The following SCAP variants were observed in gnomAD, a reference collection of about 807,000 sequenced individuals.
SCAP encodes sterol regulatory element-binding protein cleavage-activating protein.
In SCAP, 65 loss-of-function variants were observed where a neutral mutation model predicts 123.6. The observed-to-expected ratio is 0.53, with a 90% confidence interval of 0.43 to 0.65. SCAP has a LOEUF of 0.65. Ranked by LOEUF, SCAP falls within the 30% of genes least tolerant of loss-of-function variation. The pLI, the probability that SCAP is intolerant of heterozygous loss-of-function variation, is 0.00. For synonymous variants in SCAP, 740 were observed against 726.3 expected (o/e 1.02, Z -0.30); for missense variants, 1,398 against 1,712.5 (o/e 0.82, Z 3.24).
rs115218053 is a variant in SCAP, at chr3:47,461,192, A to G, written c.-99+14607T>C. ...GGTGGTACTCTGGGCTCACAAACCT[A>G]AGTGCTATGGGTTCTTGTCAAGTCA... On this transcript the variant is annotated intron_variant, in intron 1 of 22. Coordinates refer to ENST00000265565, the MANE Select transcript of SCAP (RefSeq NM_012235.4). Among the ~76,000 whole-genome samples the G allele has an allele frequency of 1.2e-3, 179 of 152,314 alleles. 1 individual carries two copies. Among genetic ancestry groups the G allele is most frequent in the African/African-American group, 4.1e-3 (172 of 41,578 alleles).
intron 1 of SCAP, among the ~76,000 whole-genome samples, chr3:47,460,700 G>C (rs1559567310): frequency 6.6e-6 from 1 of 152,104 alleles, no homozygotes; most frequent in East Asian, 1.9e-4. Flanking sequence ...TGGGATTACA[G>C]GTGCCTGCCA....
intron 2 of SCAP, among the ~76,000 whole-genome samples, chr3:47,438,181 C>T (rs1706659468): frequency 6.6e-6 from 1 of 152,216 alleles, no homozygotes; most frequent in South Asian, 2.1e-4. Flanking sequence ...AACGCCTCTT[C>T]AAGTCTTTTG....
At chr3:47,467,586 CAAG>C (rs1707870671) in intron 1 of SCAP, among the ~76,000 whole-genome samples, 2 of 150,154 alleles carry the variant, frequency 1.3e-5, no homozygotes, top group Admixed American at 6.7e-5. Flanking sequence ...GGCAACAGAG[CAAG>C]AAGACCCCGT....
chr3:47,472,650 CTG>C, intron 1 of SCAP, among the ~76,000 whole-genome samples: 1 of 152,238 alleles, frequency 6.6e-6, no homozygotes, highest in Middle Eastern at 3.4e-3. Flanking sequence ...TAAGCAGAAA[CTG>C]TCAAATGGCA....
At chr3:47,451,693 T>G (rs995307073) in intron 1 of SCAP, among the ~76,000 whole-genome samples, 4 of 123,984 alleles carry the variant, frequency 3.2e-5, no homozygotes, top group Non-Finnish European at 7.1e-5. Context: ...CCACCCACCA[T>G]GCCTGGCCCT....
intron 1 of SCAP, among the ~76,000 whole-genome samples, chr3:47,456,580 A>G (rs780815229): frequency 1.1e-4 from 16 of 151,422 alleles, no homozygotes; most frequent in Non-Finnish European, 2.1e-4. Context: ...AGTCTGACCA[A>G]TATGGCAAAA....
At chr3:47,414,701 T>TA in intron 20 of SCAP, 49 bp from the exon 21 acceptor site, 1 of 1,612,024 alleles carries the variant, frequency 6.2e-7, no homozygotes, top group Non-Finnish European at 8.5e-7. Flanking sequence ...TTTTCCAAGT[T>TA]ATACTTTGGC....
Position 47,419,267 on chromosome 3 carries a change from G to A in SCAP, c.1940+61C>T. The stretch of plus-strand genomic sequence containing the variant: ...CAAACCTGTGGGCCTCCTGCATTGG[G>A]GAAAGGGGATGGTGAGTTGACACCA... On this transcript the variant is annotated intron_variant, in intron 13 of 22. Coordinates refer to ENST00000265565, the MANE Select transcript of SCAP (RefSeq NM_012235.4). This position sits in a 1 kb window ranked among gnomAD's most constrained non-coding sequence, Gnocchi z 5.0. 6.5e-7 allele frequency: 1 copy of A among 1,549,964 alleles called. No individual in the cohort carries two copies. The highest frequency in any genetic ancestry group is 8.7e-7 in the Non-Finnish European group (1 of 1,145,278).
At chr3:47,424,803 G>A (rs1416487258) in intron 8 of SCAP, among the ~76,000 whole-genome samples, 8 of 152,280 alleles carry the variant, frequency 5.3e-5, no homozygotes, top group Middle Eastern at 3.4e-3. Flanking sequence ...CCAGCCTGAT[G>A]GGCCAAAGTG....
In SCAP at chr3:47,418,312, C is replaced by T. The variant is rs1013946027; in HGVS notation, c.2331+9G>A. On this transcript the variant is annotated intron_variant, in intron 15 of 22. Transcript: ENST00000265565. ...CCCTCCCCTACCCGGCCACTGTGCCCCTGCTCACCATGAGGTGGCCGCGCA... is the reference window on the plus strand; with the variant it reads ...CCCTCCCCTACCCGGCCACTGTGCCTCTGCTCACCATGAGGTGGCCGCGCA... 22 of 1,557,674 alleles carry T rather than the reference C, an allele frequency of 1.4e-5. No homozygotes were observed. Among genetic ancestry groups the T allele is most frequent in the Middle Eastern group, 1.7e-4 (1 of 5,994 alleles).
chr3:47,431,809 T>TC (rs1390195565), intron 3 of SCAP, among the ~76,000 whole-genome samples: 3 of 152,200 alleles, frequency 2.0e-5, no homozygotes, highest in African/African-American at 7.2e-5. Context: ...AGTTACTTTT[T>TC]CCCACAGTCA....
At chr3:47,473,031 G>C (rs1455476867) in intron 1 of SCAP, among the ~76,000 whole-genome samples, 1 of 127,686 alleles carries the variant, frequency 7.8e-6, no homozygotes, top group Non-Finnish European at 1.6e-5. Context: ...AGTGAGCTGA[G>C]ATCACGCCAT....
At chr3:47,445,372 GA>G (rs1463616466) in intron 1 of SCAP, among the ~76,000 whole-genome samples, 2 of 147,460 alleles carry the variant, frequency 1.4e-5, no homozygotes, top group African/African-American at 5.0e-5. Context: ...TCAGCTTCCT[GA>G]GTAGCTGGGA....
intron 1 of SCAP, among the ~76,000 whole-genome samples, chr3:47,461,571 T>C (rs1559567870): frequency 6.6e-6 from 1 of 152,168 alleles, no homozygotes; most frequent in Non-Finnish European, 1.5e-5. Flanking sequence ...CAATATCCTA[T>C]TGGTAAGGAA....
At chr3:47,463,199 C>T (rs185901719) in intron 1 of SCAP, among the ~76,000 whole-genome samples, 180 of 152,262 alleles carry the variant, frequency 1.2e-3, no homozygotes, top group Non-Finnish European at 1.9e-3. Context: ...AGGAAACATC[C>T]TACAACAAGC....
rs2107789628 is a variant in SCAP at position 47,420,837 on chromosome 3, G to A, written c.1345-65C>T. 6.4e-7 allele frequency: 1 copy of A among 1,570,012 alleles called. No individual in the cohort carries two copies. Among genetic ancestry groups the A allele is most frequent in the East Asian group, 2.3e-5 (1 of 43,860 alleles). ...CAGAGGCTGCTCGCACAGGACCGCT[G>A]TCCTGCCCGAGGTCTACACCCTTCT... is the stretch of plus-strand genomic sequence containing the variant. On this transcript the variant is annotated intron_variant, in intron 11 of 22. Coordinates refer to ENST00000265565, the MANE Select transcript of SCAP (RefSeq NM_012235.4). This position sits in a 1 kb window ranked among gnomAD's most constrained non-coding sequence, Gnocchi z 5.0.
intron 1 of SCAP, among the ~76,000 whole-genome samples, chr3:47,444,444 G>A (rs898082509): frequency 1.3e-5 from 2 of 152,180 alleles, no homozygotes; most frequent in Admixed American, 6.5e-5. Flanking sequence ...AAGCAGAAGC[G>A]TTAAGCGCAC....
At chr3:47,474,406 A>C (rs1708188357) in intron 1 of SCAP, among the ~76,000 whole-genome samples, 1 of 152,244 alleles carries the variant, frequency 6.6e-6, no homozygotes, top group Admixed American at 6.5e-5. Flanking sequence ...TGTTAAATAT[A>C]TTTATATAGT....
rs1214365057 is a variant in SCAP at position 47,437,419 on chromosome 3, T to C, written c.123-2282A>G. Reference sequence around the variant, plus strand: ...CCTGGGCAACAAGAGTGAAACTCAATCTCAAAAAAAAAAAAAAAAAAAAAA... The same window carrying C: ...CCTGGGCAACAAGAGTGAAACTCAACCTCAAAAAAAAAAAAAAAAAAAAAA... On this transcript the variant is annotated intron_variant, in intron 2 of 22. Coordinates refer to ENST00000265565, the MANE Select transcript of SCAP (RefSeq NM_012235.4). Among the ~76,000 whole-genome samples, 3 of 52,930 alleles carry C rather than the reference T, an allele frequency of 5.7e-5. No homozygotes were observed. In the East Asian group the frequency reaches 2.1e-3, roughly 37 times the overall value. 34.7% of individuals were successfully genotyped at this position (52,930 alleles called of 152,430 possible). A position where few individuals can be genotyped will look rare whatever the true frequency, so the allele number is the denominator to read the frequency against.
Sources: allele counts gnomAD v4.1 joint callset (sites outside exome capture counted in the v4.1 genomes callset), GRCh38; gene constraint gnomAD v4.1.1; non-coding constraint Gnocchi (gnomAD v3.1); transcripts MANE v1.5; gene names NCBI Gene and HGNC (gene_info 2026-07-23, HGNC 2026-07-21).